The following RHOU variants were observed in gnomAD, a reference collection of about 807,000 sequenced individuals.
RHOU encodes the protein rho-related GTP-binding protein RhoU.
In RHOU, 8 loss-of-function variants were observed where a neutral mutation model predicts 12.6. The observed-to-expected ratio is 0.64, with a 90% CI of 0.37 to 1.15. RHOU has a LOEUF of 1.15. Among genes scored for constraint, RHOU ranks in the 50% most tolerant of loss-of-function variants. The probability of loss-of-function intolerance (pLI) is 0.01; values close to 1 mark genes in which losing one functional copy is unlikely to be tolerated. For synonymous variants in RHOU, 161 were observed against 147.4 expected (o/e 1.09, Z -0.67); for missense variants, 258 against 347.0 (o/e 0.74, Z 2.04).
Position 228,743,868 on chromosome 1 carries a change from G to T in RHOU, c.*128G>T. 4.0e-6 allele frequency: 3 copies of T among 759,158 alleles called. No individual in the cohort carries two copies. The highest frequency in any genetic ancestry group is 4.1e-6 in the Non-Finnish European group (2 of 488,024). 47.0% of individuals were successfully genotyped at this position (759,158 alleles called of 1,614,324 possible). A position where few individuals can be genotyped will look rare whatever the true frequency, so the allele number is the denominator to read the frequency against. ...TGTGTGTATATGTATTATAGGAGGAGCTCTCAATTTTATGTATTCTTTCTG... is the reference window on the plus strand; with the variant it reads ...TGTGTGTATATGTATTATAGGAGGATCTCTCAATTTTATGTATTCTTTCTG... On this transcript the variant is annotated 3_prime_UTR_variant, in exon 3 of 3. Coordinates refer to ENST00000366691, the MANE Select transcript of RHOU (RefSeq NM_021205.6). This position sits in a 1 kb window ranked among gnomAD's most constrained non-coding sequence, Gnocchi z 5.1.
the RHOU span, among the ~76,000 whole-genome samples, chr1:228,671,712 CAA>C: frequency 4.6e-5 from 3 of 65,260 alleles, no homozygotes; most frequent in Admixed American, 4.1e-4. Flanking sequence ...GACTCCATCT[CAA>C]AAAAAAAAAA....
At chr1:228,700,720 T>C in the RHOU span, among the ~76,000 whole-genome samples, 1 of 152,180 alleles carries the variant, frequency 6.6e-6, no homozygotes, top group African/African-American at 2.4e-5. Flanking sequence ...ATTAAAATAA[T>C]ATATTCATAA....
At chr1:228,724,814 C>G in the RHOU span, among the ~76,000 whole-genome samples, 2 of 152,100 alleles carry the variant, frequency 1.3e-5, no homozygotes, top group African/African-American at 4.8e-5. Flanking sequence ...GAAGGTTTTC[C>G]TTATGCTAAA....
chr1:228,668,748 C>T, the RHOU span, among the ~76,000 whole-genome samples: 1 of 152,252 alleles, frequency 6.6e-6, no homozygotes, highest in East Asian at 1.9e-4. Context: ...CCTGCTACCA[C>T]CTGCAGGCCT....
the RHOU span, among the ~76,000 whole-genome samples, chr1:228,708,396 G>C: frequency 1.3e-5 from 2 of 151,360 alleles, no homozygotes; most frequent in South Asian, 4.2e-4. Context: ...AAATGTTAAG[G>C]GCAGCCAGAG....
At chr1:228,648,811 A>T in the RHOU span, among the ~76,000 whole-genome samples, 7 of 151,880 alleles carry the variant, frequency 4.6e-5, no homozygotes, top group Non-Finnish European at 7.4e-5. Flanking sequence ...ATTGCTTTTC[A>T]TATAGTCTGA....
rs1057139613 is a variant in RHOU at position 228,746,105 on chromosome 1, T to G, written c.*2365T>G. 6.6e-6 allele frequency: 1 copy of G among 152,244 alleles called. No individual in the cohort carries two copies. Among genetic ancestry groups the G allele is most frequent in the African/African-American group, 2.4e-5 (1 of 41,464 alleles). 9.4% of individuals were successfully genotyped at this position (152,244 alleles called of 1,614,324 possible). On this transcript the variant is annotated 3_prime_UTR_variant, in exon 3 of 3. Coordinates refer to ENST00000366691, the MANE Select transcript of RHOU (RefSeq NM_021205.6). ...TGTTAAAAATCTAGTGGGTTGACCT[T>G]TAAATGCAACAGTTTTTAAAATATA...
At chr1:228,646,755 T>G in the RHOU span, among the ~76,000 whole-genome samples, 1 of 151,770 alleles carries the variant, frequency 6.6e-6, no homozygotes, top group African/African-American at 2.4e-5. Context: ...GACACACCCG[T>G]TCGTTCTCGT....
chr1:228,725,301 G>A, the RHOU span, among the ~76,000 whole-genome samples: 1 of 152,162 alleles, frequency 6.6e-6, no homozygotes, highest in South Asian at 2.1e-4. Context: ...ATAGCCCAGA[G>A]GAATTTTTTA....
the RHOU span, among the ~76,000 whole-genome samples, chr1:228,712,463 T>C: frequency 1.3e-5 from 2 of 152,044 alleles, no homozygotes; most frequent in African/African-American, 2.4e-5. Context: ...ATATACACCA[T>C]GGAATACTAT....
At chr1:228,694,151 C>A in the RHOU span, among the ~76,000 whole-genome samples, 1 of 152,144 alleles carries the variant, frequency 6.6e-6, no homozygotes, top group Non-Finnish European at 1.5e-5. Flanking sequence ...AATATTATTT[C>A]TTTGTAGCTA....
At chr1:228,720,373 T>C in the RHOU span, among the ~76,000 whole-genome samples, 67 of 152,356 alleles carry the variant, frequency 4.4e-4, no homozygotes, top group South Asian at 5.2e-3. Context: ...TTTGAATTCA[T>C]ATATCCAAAA....
chr1:228,701,346 A>C, the RHOU span, among the ~76,000 whole-genome samples: 1 of 152,218 alleles, frequency 6.6e-6, no homozygotes, highest in Non-Finnish European at 1.5e-5. Flanking sequence ...TTACTCTTTG[A>C]TTAGAGGAGA....
the RHOU span, among the ~76,000 whole-genome samples, chr1:228,647,319 GC>G: frequency 6.6e-6 from 1 of 152,212 alleles, no homozygotes; most frequent in Non-Finnish European, 1.5e-5. Context: ...GGTGCAGTGG[GC>G]CCCGAGATTT....
the RHOU span, among the ~76,000 whole-genome samples, chr1:228,658,136 T>C: frequency 1.3e-5 from 2 of 151,354 alleles, no homozygotes; most frequent in Admixed American, 6.6e-5. Context: ...AAAAATTAGG[T>C]GGGCATGGTG....
the RHOU span, among the ~76,000 whole-genome samples, chr1:228,695,852 G>GC: frequency 1.3e-5 from 2 of 152,162 alleles, no homozygotes; most frequent in East Asian, 3.9e-4. Flanking sequence ...TCAACCTTCA[G>GC]CCCCTCTTCC....
the RHOU span, among the ~76,000 whole-genome samples, chr1:228,653,840 A>G: frequency 6.6e-6 from 1 of 152,246 alleles, no homozygotes; most frequent in Non-Finnish European, 1.5e-5. Context: ...GAAATTTGAT[A>G]AAATTGAACT....
At chr1:228,684,289 A>G in the RHOU span, among the ~76,000 whole-genome samples, 1 of 151,860 alleles carries the variant, frequency 6.6e-6, no homozygotes, top group African/African-American at 2.4e-5. Context: ...CTCCCGCCTC[A>G]GCCTCCCACT....
chr1:228,693,685 C>T, the RHOU span, among the ~76,000 whole-genome samples: 1 of 152,118 alleles, frequency 6.6e-6, no homozygotes, highest in Non-Finnish European at 1.5e-5. Context: ...CCAGGCTGGT[C>T]TCCAACTCCT....
Sources: gnomAD v4.1 joint callset for allele counts (sites outside exome capture counted in the v4.1 genomes callset) on GRCh38, gnomAD v4.1.1 for gene constraint, Gnocchi (gnomAD v3.1) non-coding constraint, MANE v1.5 for transcripts, NCBI Gene and HGNC (gene_info 2026-07-23, HGNC 2026-07-21) for gene names.